Variants in QSOX2 observed in about 807,000 individuals in gnomAD.
QSOX2 encodes sulfhydryl oxidase 2.
QSOX2 carries 46 observed loss-of-function variants against 61.7 expected under a neutral mutation model. The observed-to-expected ratio is 0.75, with a 90% CI of 0.59 to 0.95. The LOEUF (loss-of-function observed/expected upper bound fraction) is 0.95. Ranked by LOEUF, QSOX2 falls within the 40% of genes least tolerant of loss-of-function variation. The pLI is 0.00. For missense variants in QSOX2, 879 were observed against 918.9 expected (o/e 0.96, Z 0.56); for synonymous variants, 383 against 388.4 (o/e 0.99, Z 0.16).
In QSOX2 at chr9:136,223,599, G is replaced by C. The variant is rs1356527715; in HGVS notation, c.675+164C>G. Among the ~76,000 whole-genome samples, 2 of 152,220 alleles carry C rather than the reference G, an allele frequency of 1.3e-5. No homozygotes were observed. The highest frequency in any genetic ancestry group is 3.9e-4 in the East Asian group (2 of 5,176). On this transcript the variant is annotated intron_variant, in intron 5 of 11. Transcript: ENST00000358701. This position sits in a 1 kb window ranked among gnomAD's most constrained non-coding sequence, Gnocchi z 4.4. Reference sequence around the variant, plus strand: ...GTCTTCTCCAGACACCAGTGACTTTGCTGAGTAACATTAACTAAGCTTCTG... The same window carrying C: ...GTCTTCTCCAGACACCAGTGACTTTCCTGAGTAACATTAACTAAGCTTCTG...
chr9:136,237,455 C>CTTCCTGTGCCGGCG, intron 1 of QSOX2, among the ~76,000 whole-genome samples: 1 of 134,972 alleles, frequency 7.4e-6, no homozygotes, highest in East Asian at 2.3e-4. Context: ...ACCTGGAGCC[C>CTTCCTGTGCCGGCG]ATCCTGTGCC....
Position 136,209,400 on chromosome 9 carries a change from G to T in QSOX2, c.1550-125C>A. The stretch of plus-strand genomic sequence containing the variant: ...CTCCACTGCCCTGGCCCAGGGTCCT[G>T]CCAGGCCTCCCTCCCTGCCCTTCCC... On this transcript the variant is annotated intron_variant, in intron 11 of 11. Transcript: ENST00000358701. The surrounding 1 kb of genome is among the most constrained non-coding windows in gnomAD (Gnocchi z 5.6). 6.6e-7 allele frequency: 1 copy of T among 1,506,886 alleles called. No homozygotes were observed. Among genetic ancestry groups the T allele is most frequent in the Non-Finnish European group, 8.8e-7 (1 of 1,132,068 alleles). 93.3% of individuals were successfully genotyped at this position (1,506,886 alleles called of 1,614,324 possible). A position where few individuals can be genotyped will look rare whatever the true frequency, so the allele number is the denominator to read the frequency against.
intron 6 of QSOX2, among the ~76,000 whole-genome samples, chr9:136,220,786 T>C (rs1042690507): frequency 4.6e-5 from 7 of 151,990 alleles, no homozygotes; most frequent in African/African-American, 1.4e-4. Context: ...TCTCAGCTCA[T>C]TGCAGCCTTG....
intron 1 of QSOX2, among the ~76,000 whole-genome samples, chr9:136,238,438 C>A: frequency 6.6e-6 from 1 of 152,250 alleles, no homozygotes; most frequent in Non-Finnish European, 1.5e-5. Flanking sequence ...ACCAGGAAGG[C>A]ACAGACTTCC....
chr9:136,236,416 G>A (rs574511305), intron 1 of QSOX2, among the ~76,000 whole-genome samples: 1 of 152,354 alleles, frequency 6.6e-6, no homozygotes, highest in Non-Finnish European at 1.5e-5. Flanking sequence ...ACAGGCCGCA[G>A]CTGCCAGCTT....
rs559631861 is a variant in QSOX2 at position 136,233,740 on chromosome 9, C to T, written c.329-6866G>A. Among the ~76,000 whole-genome samples the T allele has an allele frequency of 6.6e-5, 10 of 152,332 alleles. 1 individual carries two copies. In the South Asian group the frequency reaches 2.1e-3, roughly 32 times the overall value. On this transcript the variant is annotated intron_variant, in intron 1 of 11. Transcript: ENST00000358701. The stretch of plus-strand genomic sequence containing the variant: ...CAACTCAAGAGAACAGAAGACGACG[C>T]TGTGGAGCCAAGTGCCTCCTCACCA...
Position 136,208,895 on chromosome 9 carries a change from C to T in QSOX2, c.1930G>A (p.Glu644Lys). 1.2e-6 allele frequency: 2 copies of T among 1,613,998 alleles called. No homozygotes were observed. Among genetic ancestry groups the T allele is most frequent in the Non-Finnish European group, 1.7e-6 (2 of 1,180,028 alleles). ...QSLDGPGAHK[E>K]VGGAAPFLGV... is the part of the protein sequence containing the mutation. ...AGGAAGGGTGCGGCCCCGCCCACCT[C>T]CTTGTGGGCCCCGGGCCCATCCAGA... Residue 644 changes from glutamate (E) to lysine (K), a missense_variant, in exon 12 of 12, where the codon GAG becomes AAG. Glu to Lys is a moderately conservative substitution (Grantham distance 56). Coordinates refer to ENST00000358701, the MANE Select transcript of QSOX2 (RefSeq NM_181701.4).
At position 136,211,475 on chromosome 9, in the gene QSOX2, G is replaced by T; in HGVS notation, c.1361-23C>A. ...AGCCTGCAGGGGAAGAAACACTGCT[G>T]ACAACGGCAGGTGCGTGGGCATCAC... On this transcript the variant is annotated intron_variant, in intron 10 of 11. Transcript: ENST00000358701. The T allele has an allele frequency of 1.9e-6, 3 of 1,609,272 alleles. No homozygotes were observed. In the South Asian group the frequency reaches 3.3e-5, roughly 18 times the overall value.
intron 7 of QSOX2, 107 bp downstream of exon 7, chr9:136,218,923 G>A: frequency 6.4e-7 from 1 of 1,568,668 alleles, no homozygotes; most frequent in Non-Finnish European, 8.7e-7. Flanking sequence ...CTCCTGAGCG[G>A]CCCTCACTGG....
Position 136,215,395 on chromosome 9 carries a change from G to T in QSOX2, c.1210-91C>A. ...GACAGCTGCCTTCTTGACTGGGGGG[G>T]GTGGATAATGGGGGTGTGGTTTACT... On this transcript the variant is annotated intron_variant, in intron 9 of 11. Coordinates refer to ENST00000358701, the MANE Select transcript of QSOX2 (RefSeq NM_181701.4). 7.4e-6 allele frequency: 7 copies of T among 942,366 alleles called. 1 individual carries two copies. Among genetic ancestry groups the T allele is most frequent in the South Asian group, 3.5e-5 (2 of 57,770 alleles). 58.4% of individuals were successfully genotyped at this position (942,366 alleles called of 1,614,324 possible). A position where few individuals can be genotyped will look rare whatever the true frequency, so the allele number is the denominator to read the frequency against.
At chr9:136,238,407 A>G (rs1041751262) in intron 1 of QSOX2, among the ~76,000 whole-genome samples, 3 of 152,212 alleles carry the variant, frequency 2.0e-5, no homozygotes, top group Non-Finnish European at 4.4e-5. Flanking sequence ...CACTGTCTAC[A>G]TGACCTGAAA....
chr9:136,245,757 G>C lies in QSOX2; in HGVS notation c.47C>G (p.Ala16Gly). 1.7e-6 allele frequency: 2 copies of C among 1,153,224 alleles called. No homozygotes were observed. The highest frequency in any genetic ancestry group is 2.1e-6 in the Non-Finnish European group (2 of 935,240). The allele number at this position is 1,153,224 out of a possible 1,614,324, so 71.4% of individuals were successfully genotyped here. ...AAVARSPGIG[A>G]GPALRARRSP... is the part of the protein sequence containing the mutation. Reference sequence around the variant, plus strand: ...GCGCCGGGCTCTCAGCGCAGGTCCCGCTCCGATTCCCGGGCTGCGCGCCAC... The same window carrying C: ...GCGCCGGGCTCTCAGCGCAGGTCCCCCTCCGATTCCCGGGCTGCGCGCCAC... The change falls in exon 1 of 12, where the codon GCG (alanine) becomes GGG (glycine). Residue 16 changes from alanine to glycine, a missense_variant. By Grantham distance (60) the Ala-to-Gly change is moderately conservative. Transcript: ENST00000358701.
chr9:136,237,342 G>A (rs546151130), intron 1 of QSOX2, among the ~76,000 whole-genome samples: 15 of 121,248 alleles, frequency 1.2e-4, no homozygotes, highest in Non-Finnish European at 2.0e-4. Context: ...CTGGGCCGGC[G>A]TCACTTGGAG....
chr9:136,212,930 G>A (rs1272492941), intron 10 of QSOX2, among the ~76,000 whole-genome samples: 1 of 152,230 alleles, frequency 6.6e-6, no homozygotes, highest in Non-Finnish European at 1.5e-5. Flanking sequence ...CCAATATGCT[G>A]ATGGGCGGAA....
At chr9:136,210,625 G>A in intron 11 of QSOX2, 1 of 985,426 alleles carries the variant, frequency 1.0e-6, no homozygotes, top group Non-Finnish European at 1.2e-6. Flanking sequence ...TCAGGGCAAA[G>A]AAAAACCAAT....
At chr9:136,234,792 C>T (rs1367361962) in intron 1 of QSOX2, among the ~76,000 whole-genome samples, 1 of 144,254 alleles carries the variant, frequency 6.9e-6, no homozygotes, top group African/African-American at 2.8e-5. Flanking sequence ...CTCATCGCGC[C>T]ACACCCCAGC....
chr9:136,241,956 G>A (rs1830436768), intron 1 of QSOX2, among the ~76,000 whole-genome samples: 1 of 152,230 alleles, frequency 6.6e-6, no homozygotes, highest in Non-Finnish European at 1.5e-5. Flanking sequence ...AGACTGCAGA[G>A]GCATTTCGGA....
At position 136,223,876 on chromosome 9, in the gene QSOX2, C is replaced by T. The variant is rs1440482449; in HGVS notation, c.585-23G>A. On this transcript the variant is annotated intron_variant, in intron 4 of 11. Coordinates refer to ENST00000358701, the MANE Select transcript of QSOX2 (RefSeq NM_181701.4). This position sits in a 1 kb window ranked among gnomAD's most constrained non-coding sequence, Gnocchi z 4.4. The stretch of plus-strand genomic sequence containing the variant: ...GGCCTTTCAAGAGGAAAAAAAGAGG[C>T]TTTTAGTGCCGTCAACAGCAGCGAG... 6.2e-7 allele frequency: 1 copy of T among 1,610,600 alleles called. No individual in the cohort carries two copies. Among genetic ancestry groups the T allele is most frequent in the Non-Finnish European group, 8.5e-7 (1 of 1,177,140 alleles).
At chr9:136,230,043 G>A (rs567662945) in intron 1 of QSOX2, among the ~76,000 whole-genome samples, 3 of 152,074 alleles carry the variant, frequency 2.0e-5, no homozygotes, top group African/African-American at 7.2e-5. Flanking sequence ...CACTTTGGGA[G>A]GTCAAGGCAG....
Sources: gnomAD v4.1 joint callset for allele counts (sites outside exome capture counted in the v4.1 genomes callset) on GRCh38, gnomAD v4.1.1 for gene constraint, Gnocchi (gnomAD v3.1) non-coding constraint, MANE v1.5 for transcripts, NCBI Gene and HGNC (gene_info 2026-07-23, HGNC 2026-07-21) for gene names.